EIF3B: variants seen among roughly 807,000 people sequenced by gnomAD.
EIF3B encodes eukaryotic translation initiation factor 3 subunit 9.
In EIF3B, 10 loss-of-function variants were observed where a neutral mutation model predicts 104.6. That is an observed-to-expected ratio of 0.10 (90% CI 0.06 to 0.16). EIF3B has a LOEUF of 0.16. Among genes scored for constraint, EIF3B ranks in the 10% least tolerant of loss-of-function variants. The pLI is 1.00. For missense variants in EIF3B, 1,014 were observed against 1,087.9 expected, an observed-to-expected ratio of 0.93 and a Z score of 0.96; for synonymous variants, 542 against 417.2, an observed-to-expected ratio of 1.30 and a Z score of -3.65.
Position 2,374,538 on chromosome 7 carries a change from C to A in EIF3B, c.1821C>A (p.Asp607Glu). 2.5e-6 allele frequency: 4 copies of A among 1,614,030 alleles called. No homozygotes were observed. Among genetic ancestry groups the A allele is most frequent in the Non-Finnish European group, 3.4e-6 (4 of 1,179,960 alleles). The change falls in exon 13 of 19, where the codon GAC (aspartate) becomes GAA (glutamate). Residue 607 changes from aspartate (D) to glutamate (E), a missense_variant. Asp to Glu is a conservative substitution (Grantham distance 45, BLOSUM62 2). Transcript: ENST00000360876. Reference protein sequence around the residue: ...NGKIELIKMFDKQQANTIFWS... With the variant: ...NGKIELIKMFEKQQANTIFWS... The stretch of plus-strand genomic sequence containing the variant: ...GCTCTTTCCTTTCAGAGATGTTCGA[C>A]AAGCAGCAGGCGAACACCATCTTCT...
chr7:2,379,148 A>G lies in EIF3B; in HGVS notation c.2247A>G (p.Arg749=). ...CTCATGCATAGGAATTGGTGGAGAGAAGGCGCACCATGATGGAAGATTTCC... is the reference window on the plus strand; with the variant it reads ...CTCATGCATAGGAATTGGTGGAGAGGAGGCGCACCATGATGGAAGATTTCC... ...QSKASKELVE[R]RRTMMEDFRK... is the part of the protein sequence containing the mutation. Residue 749 remains arginine, a synonymous_variant, in exon 17 of 19, where the codon AGA becomes AGG. Coordinates refer to ENST00000360876, the MANE Select transcript of EIF3B (RefSeq NM_001037283.2). The G allele has an allele frequency of 6.2e-7, 1 of 1,613,834 alleles. No individual in the cohort carries two copies. Among genetic ancestry groups the G allele is most frequent in the Non-Finnish European group, 8.5e-7 (1 of 1,179,950 alleles).
At chr7:2,358,485 A>G (rs1344534609) in intron 1 of EIF3B, among the ~76,000 whole-genome samples, 3 of 139,886 alleles carry the variant, frequency 2.1e-5, no homozygotes, top group African/African-American at 7.6e-5. Context: ...AATACAGTAA[A>G]GAATATTTTC....
intron 5 of EIF3B, 31 bp from the exon 6 acceptor site, chr7:2,364,341 G>T (rs763428861): frequency 1.9e-6 from 3 of 1,555,646 alleles, no homozygotes; most frequent in South Asian, 2.5e-5. Context: ...CCATTTTGTT[G>T]TATTAACGTT....
At chr7:2,355,513 G>C (rs1480274875) in intron 1 of EIF3B, 93 bp downstream of exon 1, 1 of 1,385,342 alleles carries the variant, frequency 7.2e-7, no homozygotes, top group Non-Finnish European at 9.3e-7. Context: ...CCACCGGTTC[G>C]TGCAGAAGTT....
chr7:2,355,218 C>T lies in EIF3B; in HGVS notation c.297C>T (p.Pro99=), dbSNP rs372788366. The part of the protein sequence containing the change: ...AEELPGSHAE[P]PVPAQGEAPG... Reference sequence around the variant, plus strand: ...AGCTGCCCGGGTCGCATGCTGAGCCCCCTGTCCCGGCACAGGGCGAGGCCC... The same window carrying T: ...AGCTGCCCGGGTCGCATGCTGAGCCTCCTGTCCCGGCACAGGGCGAGGCCC... Residue 99 remains proline, a synonymous_variant, in exon 1 of 19, where the codon CCC becomes CCT. Transcript: ENST00000360876. 2.1e-4 allele frequency: 312 copies of T among 1,495,994 alleles called. 2 individuals carry two copies. In the African/African-American group the frequency reaches 3.7e-3, roughly 18 times the overall value. The allele number at this position is 1,495,994 out of a possible 1,614,324, so 92.7% of individuals were successfully genotyped here. A position where few individuals can be genotyped will look rare whatever the true frequency, so the allele number is the denominator to read the frequency against.
chr7:2,375,589 T>C (rs1021108875), intron 14 of EIF3B, 62 bp downstream of exon 14: 17 of 1,609,042 alleles, frequency 1.1e-5, no homozygotes, highest in Non-Finnish European at 1.4e-5. Context: ...GGCTAGCTGC[T>C]GACTCTGGTG....
chr7:2,363,622 T>C lies in EIF3B; in HGVS notation c.871-10T>C, dbSNP rs747183361. ...AATGAAATGTTATATTCCTTGTCTT[T>C]GTTTTTAAGGGGAACTTACGTTACT... On this transcript the variant is annotated splice_polypyrimidine_tract_variant and intron_variant, in intron 4 of 18. Transcript: ENST00000360876. 2.7e-5 allele frequency: 43 copies of C among 1,592,006 alleles called. No homozygotes were observed. The Admixed American group carries it at 5.5e-4, about 20-fold the overall frequency.
Position 2,355,900 on chromosome 7 carries a change from C to T in EIF3B, c.499+480C>T, listed in dbSNP as rs114584047. Reference sequence around the variant, plus strand: ...TTGTCCTCCTGCCCCTCAGAATTGTCCATCTCCAGAGACTTCCTTAGTGGG... The same window carrying T: ...TTGTCCTCCTGCCCCTCAGAATTGTTCATCTCCAGAGACTTCCTTAGTGGG... On this transcript the variant is annotated intron_variant, in intron 1 of 18. Coordinates refer to ENST00000360876, the MANE Select transcript of EIF3B (RefSeq NM_001037283.2). Among the ~76,000 whole-genome samples, 612 of 152,314 alleles carry T rather than the reference C, an allele frequency of 4.0e-3. 4 individuals carry two copies. Among genetic ancestry groups the T allele is most frequent in the African/African-American group, 0.014 (571 of 41,582 alleles).
chr7:2,379,681 C>T (rs1780888389), intron 18 of EIF3B, 170 bp downstream of exon 18: 3 of 601,546 alleles, frequency 5.0e-6, no homozygotes, highest in Admixed American at 2.8e-5. Flanking sequence ...TCGGTGCCGA[C>T]GTGGCCTCGA....
chr7:2,380,636 C>T lies in EIF3B; in HGVS notation c.*447C>T, dbSNP rs917380872. ...ATTGCGGGCAGTGCTGGACGTGTCC[C>T]GGAGACCCACCGGGAGGGCGCCGCC... is the stretch of plus-strand genomic sequence containing the variant. On this transcript the variant is annotated 3_prime_UTR_variant, in exon 19 of 19. Transcript: ENST00000360876. 6.2e-5 allele frequency: 15 copies of T among 243,536 alleles called. No individual in the cohort carries two copies. Among genetic ancestry groups the T allele is most frequent in the South Asian group, 2.3e-4 (6 of 26,532 alleles). 15.1% of individuals were successfully genotyped at this position (243,536 alleles called of 1,614,324 possible).
In EIF3B at chr7:2,360,898, A is replaced by G. The variant is rs934285697; in HGVS notation, c.688A>G (p.Lys230Glu). The change falls in exon 2 of 19, where the codon AAA becomes GAA. Residue 230 changes from lysine (K) to glutamate (E), a missense_variant. Transcript: ENST00000360876. ...TTATCCTGAAGAGGATGGGAAGACA[A>G]AAGGGTGAGTGTTCTCCTGTTGGAG... is the stretch of plus-strand genomic sequence containing the variant. ...DFYPEEDGKT[K>E]GYIFLEYASP... The G allele has an allele frequency of 1.2e-6, 2 of 1,608,264 alleles. No homozygotes were observed. Among genetic ancestry groups the G allele is most frequent in the African/African-American group, 1.3e-5 (1 of 74,950 alleles).
chr7:2,362,962 C>T (rs1305822264), intron 3 of EIF3B, 108 bp from the exon 4 acceptor site: 2 of 1,482,280 alleles, frequency 1.3e-6, no homozygotes, highest in African/African-American at 1.4e-5. Flanking sequence ...CCAGTCACAG[C>T]CCTGGGGGCG....
At chr7:2,371,966 C>T (rs767963712) in intron 11 of EIF3B, 117 bp downstream of exon 11, 2 of 799,254 alleles carry the variant, frequency 2.5e-6, no homozygotes, top group Non-Finnish European at 4.4e-6. Context: ...TGTGAGCCCT[C>T]ACCATGAATA....
chr7:2,364,609 G>C, intron 6 of EIF3B, 80 bp downstream of exon 6: 1 of 1,353,912 alleles, frequency 7.4e-7, no homozygotes, highest in Non-Finnish European at 1.0e-6. Flanking sequence ...TCATTTTGTA[G>C]CATTTCAAAC....
intron 16 of EIF3B, 145 bp from the exon 17 acceptor site, chr7:2,378,988 GA>G: frequency 1.3e-6 from 1 of 785,400 alleles, no homozygotes; most frequent in Non-Finnish European, 2.1e-6. Flanking sequence ...AGCGTTGGGG[GA>G]AAAGTGAGAA....
intron 1 of EIF3B, among the ~76,000 whole-genome samples, chr7:2,358,527 T>A (rs1779573343): frequency 6.6e-6 from 1 of 152,080 alleles, no homozygotes; most frequent in South Asian, 2.1e-4. Flanking sequence ...GTTGGAATTA[T>A]CATTATTATT....
chr7:2,376,029 A>T (rs972645119), intron 14 of EIF3B: 6 of 155,790 alleles, frequency 3.9e-5, no homozygotes, highest in African/African-American at 1.4e-4. Flanking sequence ...GTGAAACCAA[A>T]CGCGGGTAAT....
intron 11 of EIF3B, among the ~76,000 whole-genome samples, chr7:2,372,363 C>T (rs1780398922): frequency 6.6e-6 from 1 of 152,226 alleles, no homozygotes. Flanking sequence ...ACTGTAGGTG[C>T]ACACTGGGTG....
intron 1 of EIF3B, among the ~76,000 whole-genome samples, chr7:2,357,612 G>T (rs939184789): frequency 6.6e-6 from 1 of 152,220 alleles, no homozygotes; most frequent in Non-Finnish European, 1.5e-5. Context: ...AACTCTAAAT[G>T]TCTTTTTTGG....
Sources: allele counts gnomAD v4.1 joint callset (sites outside exome capture counted in the v4.1 genomes callset), GRCh38; gene constraint gnomAD v4.1.1; transcripts MANE v1.5; gene names NCBI Gene and HGNC (gene_info 2026-07-23, HGNC 2026-07-21).